The following HNRNPC variants were observed in gnomAD, a reference collection of about 807,000 sequenced individuals.
The protein encoded by HNRNPC is heterogeneous nuclear ribonucleoproteins C1/C2.
A neutral mutation model predicts 33.2 loss-of-function variants in HNRNPC; 3 were observed. That is an observed-to-expected ratio of 0.09 (90% CI 0.04 to 0.23). HNRNPC has a LOEUF of 0.23. Among genes scored for constraint, HNRNPC ranks in the 10% least tolerant of loss-of-function variants. The pLI, the probability that HNRNPC is intolerant of heterozygous loss-of-function variation, is 1.00. For synonymous variants in HNRNPC, 121 were observed against 126.7 expected (o/e 0.96, Z 0.30); for missense variants, 143 against 366.7 (o/e 0.39, Z 4.98).
Position 21,211,270 on chromosome 14 carries a change from C to T in HNRNPC, c.835G>A (p.Glu279Lys). 1 of 1,614,136 alleles carries T rather than the reference C, an allele frequency of 6.2e-7. No homozygotes were observed. Among genetic ancestry groups the T allele is most frequent in the Non-Finnish European group, 8.5e-7 (1 of 1,180,026 alleles). Residue 279 changes from glutamate to lysine, a missense_variant, in exon 9 of 9, where the codon GAA becomes AAA. Glu to Lys is a moderately conservative substitution (Grantham distance 56, BLOSUM62 1). Around this residue, in one of 2 missense-constraint regions of HNRNPC, gnomAD observed 131 missense variants for 253.0 expected, o/e 0.52. Transcript: ENST00000553300. ...LIKDDEKEAE[E>K]GEDDRDSANG... is the part of the protein sequence containing the mutation. ...GCGCTGTCTCTGTCATCCTCTCCTT[C>T]CTCAGCCTCTTTTTCATCATCCTTG...
intron 2 of HNRNPC, chr14:21,236,319 C>T (rs976712863): frequency 2.0e-5 from 3 of 152,106 alleles, no homozygotes; most frequent in Non-Finnish European, 4.4e-5. Flanking sequence ...TTTTAAAATA[C>T]AAAAATCCCA....
intron 2 of HNRNPC, among the ~76,000 whole-genome samples, chr14:21,255,484 C>T (rs1877018826): frequency 6.6e-6 from 1 of 152,226 alleles, no homozygotes; most frequent in Non-Finnish European, 1.5e-5. Context: ...AGTCTATGTG[C>T]TCAAATGCTA....
chr14:21,214,624 T>C (rs1219383876), intron 5 of HNRNPC, among the ~76,000 whole-genome samples: 1 of 152,206 alleles, frequency 6.6e-6, no homozygotes, highest in African/African-American at 2.4e-5. Flanking sequence ...CTAAGTATGG[T>C]TAATCTCTTA....
intron 2 of HNRNPC, among the ~76,000 whole-genome samples, chr14:21,247,783 C>T (rs1896151470): frequency 6.7e-6 from 1 of 148,898 alleles, no homozygotes; most frequent in Non-Finnish European, 1.5e-5. Flanking sequence ...AACCCCATCT[C>T]TACTAACATG....
intron 6 of HNRNPC, 168 bp from the exon 7 acceptor site, chr14:21,212,091 G>T: frequency 1.7e-6 from 1 of 591,906 alleles, no homozygotes. Flanking sequence ...TATAAAGCAC[G>T]TTCTGTAATG....
In HNRNPC at chr14:21,226,899, G is replaced by GAAAAAA. The variant is rs763914963; in HGVS notation, c.365+3419_365+3420insTTTTTT. 2.6e-3 allele frequency among the ~76,000 whole-genome samples: 277 copies of GAAAAAA among 106,354 alleles called. 1 individual carries two copies. Among genetic ancestry groups the GAAAAAA allele is most frequent in the African/African-American group, 0.01 (263 of 25,650 alleles). The allele number at this position is 106,354 out of a possible 152,430, so 69.8% of individuals were successfully genotyped here. ...ATCTCAAAAAAAAAAAAAAAAAGGG[G>GAAAAAA]GGGGGGGGACAGTGATTTTTACTCC... On this transcript the variant is annotated intron_variant, in intron 5 of 8. Transcript: ENST00000553300.
chr14:21,228,632 T>C (rs1893743643), intron 5 of HNRNPC, among the ~76,000 whole-genome samples: 1 of 151,950 alleles, frequency 6.6e-6, no homozygotes, highest in Non-Finnish European at 1.5e-5. Context: ...GACCTCATGA[T>C]CCACCTGCCT....
At chr14:21,238,987 C>T (rs1164299026) in intron 2 of HNRNPC, among the ~76,000 whole-genome samples, 1 of 151,996 alleles carries the variant, frequency 6.6e-6, no homozygotes, top group African/African-American at 2.4e-5. Flanking sequence ...ATCAGCCATG[C>T]GTGGTGGCCT....
intron 2 of HNRNPC, among the ~76,000 whole-genome samples, chr14:21,255,728 CCAGAGGCA>C (rs777786019): frequency 1.3e-5 from 2 of 152,144 alleles, no homozygotes; most frequent in Non-Finnish European, 2.9e-5. Flanking sequence ...CACTTCTTGC[CCAGAGGCA>C]ATCAATGTTA....
chr14:21,253,752 G>A (rs567176522), intron 2 of HNRNPC, among the ~76,000 whole-genome samples: 2 of 151,926 alleles, frequency 1.3e-5, no homozygotes, highest in Non-Finnish European at 2.9e-5. Flanking sequence ...TTAGCTTCTG[G>A]AGAACAAACT....
intron 2 of HNRNPC, among the ~76,000 whole-genome samples, chr14:21,247,360 C>CATA (rs1295882042): frequency 6.6e-6 from 1 of 152,184 alleles, no homozygotes; most frequent in Non-Finnish European, 1.5e-5. Context: ...ACTGATAGGA[C>CATA]ATAACCTCAT....
intron 2 of HNRNPC, among the ~76,000 whole-genome samples, chr14:21,252,640 T>C (rs1566637521): frequency 6.6e-6 from 1 of 152,210 alleles, no homozygotes. Flanking sequence ...TTAAAATAGT[T>C]AATTTATTAA....
chr14:21,218,622 C>T (rs1892468745), intron 5 of HNRNPC, among the ~76,000 whole-genome samples: 4 of 123,058 alleles, frequency 3.3e-5, no homozygotes, highest in Non-Finnish European at 6.3e-5. Context: ...GCAGAGGTTA[C>T]AGTAAGCCAA....
intron 2 of HNRNPC, among the ~76,000 whole-genome samples, chr14:21,238,864 C>T (rs969249709): frequency 6.6e-6 from 1 of 152,188 alleles, no homozygotes; most frequent in Admixed American, 6.5e-5. Flanking sequence ...CAGTGGCTCA[C>T]ACCTGTAATC....
At chr14:21,266,212 CCTGCCTCAGCCTCCCGAGTAG>C (rs1309979430) in intron 1 of HNRNPC, among the ~76,000 whole-genome samples, 1 of 152,174 alleles carries the variant, frequency 6.6e-6, no homozygotes, top group African/African-American at 2.4e-5. Context: ...AAGCGATTCT[CCTGCCTCAGCCTCCCGAGTAG>C]CTGGGACTAC....
chr14:21,211,923 A>G lies in HNRNPC; in HGVS notation c.524T>C (p.Leu175Ser). 6.2e-7 allele frequency: 1 copy of G among 1,601,486 alleles called. No individual in the cohort carries two copies. The highest frequency in any genetic ancestry group is 8.5e-7 in the Non-Finnish European group (1 of 1,169,600). ...AATGGCCTGAAGGTCATCTCCTTTC[A>G]CTTTAATATAAACAAAATACTAGAT... The part of the protein sequence containing the change: ...GQRGSSKSGK[L>S]KGDDLQAIKK... Residue 175 changes from leucine (L) to serine (S), a missense_variant and splice_region_variant, in exon 7 of 9, where the codon TTG becomes TCG. Transcript: ENST00000553300.
intron 5 of HNRNPC, among the ~76,000 whole-genome samples, chr14:21,227,878 G>T (rs1217337059): frequency 6.6e-6 from 1 of 152,188 alleles, no homozygotes; most frequent in Non-Finnish European, 1.5e-5. Flanking sequence ...ACCAACAAAA[G>T]TGTGAGTTTA....
rs1249697700 is a variant in HNRNPC, at chr14:21,219,386, T to G, written c.366-6269A>C. 2.0e-5 allele frequency among the ~76,000 whole-genome samples: 3 copies of G among 152,324 alleles called. No homozygotes were observed. In the East Asian group the frequency reaches 5.8e-4, roughly 29 times the overall value. On this transcript the variant is annotated intron_variant, in intron 5 of 8. Coordinates refer to ENST00000553300, the MANE Select transcript of HNRNPC (RefSeq NM_004500.4). ...CAAAAGGGTGAATTTTATTGTGTGTTTTCTATGCTGACTCCAATTTCTATC... is the reference window on the plus strand; with the variant it reads ...CAAAAGGGTGAATTTTATTGTGTGTGTTCTATGCTGACTCCAATTTCTATC...
intron 5 of HNRNPC, among the ~76,000 whole-genome samples, chr14:21,222,675 G>C (rs1039343386): frequency 6.6e-6 from 1 of 152,056 alleles, no homozygotes; most frequent in African/African-American, 2.4e-5. Context: ...GGCAGATCAT[G>C]AGGTCAGGAG....
Sources: allele counts gnomAD v4.1 joint callset (sites outside exome capture counted in the v4.1 genomes callset), GRCh38; gene constraint gnomAD v4.1.1; regional missense constraint gnomAD v4.1.1; transcripts MANE v1.5; gene names NCBI Gene and HGNC (gene_info 2026-07-23, HGNC 2026-07-21).